ZNG1C: variants seen among roughly 807,000 people sequenced by gnomAD.
ZNG1C encodes the protein zinc-regulated GTPase metalloprotein activator 1C.
chr9:68,244,568 G>A, the ZNG1C span, among the ~76,000 whole-genome samples: 1 of 135,264 alleles, frequency 7.4e-6, no homozygotes, highest in East Asian at 2.1e-4. Context: ...TAAAACACTG[G>A]AAACAAACCA....
chr9:68,275,328 T>C, the ZNG1C span, among the ~76,000 whole-genome samples: 1 of 147,060 alleles, frequency 6.8e-6, no homozygotes, highest in African/African-American at 2.4e-5. Context: ...TTTTTTTAAT[T>C]TATTTATTTA....
At chr9:68,267,070 A>C in the ZNG1C span, among the ~76,000 whole-genome samples, 2 of 151,378 alleles carry the variant, frequency 1.3e-5, no homozygotes, top group African/African-American at 4.8e-5. Context: ...CTGAACTAAT[A>C]AAAGCCCTAT....
chr9:68,296,496 T>C, the ZNG1C span, among the ~76,000 whole-genome samples: 5 of 152,266 alleles, frequency 3.3e-5, no homozygotes, highest in Non-Finnish European at 7.3e-5. Flanking sequence ...TAAATTGGTC[T>C]TTAATACTTT....
At chr9:68,274,596 AG>A in the ZNG1C span, 1 of 83,008 alleles carries the variant, frequency 1.2e-5, no homozygotes, top group Non-Finnish European at 2.4e-5. Flanking sequence ...TGCTTGGAAA[AG>A]TTTCTGTTCT....
chr9:68,284,895 A>ATT, the ZNG1C span, among the ~76,000 whole-genome samples: 1,790 of 126,072 alleles, frequency 0.014, no homozygotes, highest in African/African-American at 0.033. Context: ...TCGTTGTTAG[A>ATT]TTTTTTTTTT....
the ZNG1C span, chr9:68,247,556 T>C: frequency 7.7e-6 from 7 of 908,456 alleles, no homozygotes; most frequent in Non-Finnish European, 1.2e-5. Context: ...TCCTCATCTT[T>C]GTTTTTTGTT....
the ZNG1C span, chr9:68,285,997 A>AG: frequency 1.8e-6 from 1 of 543,638 alleles, no homozygotes; most frequent in Non-Finnish European, 3.2e-6. Context: ...AGTTTGCAGA[A>AG]AAAACTTCAG....
chr9:68,279,634 C>T, the ZNG1C span, among the ~76,000 whole-genome samples: 5 of 126,970 alleles, frequency 3.9e-5, no homozygotes, highest in African/African-American at 1.5e-4. Flanking sequence ...TGAATATTGG[C>T]CCCCACTCTC....
At chr9:68,266,317 A>G in the ZNG1C span, 1 of 562,312 alleles carries the variant, frequency 1.8e-6, no homozygotes, top group East Asian at 2.8e-5. Context: ...GTACAAAATG[A>G]TAAGTGTGTT....
At chr9:68,280,083 CT>C in the ZNG1C span, among the ~76,000 whole-genome samples, 2 of 132,670 alleles carry the variant, frequency 1.5e-5, no homozygotes, top group Admixed American at 1.6e-4. Context: ...GATACCCTTT[CT>C]TCCAGTTGAT....
the ZNG1C span, chr9:68,270,933 T>C: frequency 6.7e-6 from 1 of 148,712 alleles, no homozygotes; most frequent in East Asian, 2.0e-4. Context: ...GTTAACAAAA[T>C]AGTCAAAGTC....
At chr9:68,274,381 GA>G in the ZNG1C span, 1 of 165,570 alleles carries the variant, frequency 6.0e-6, no homozygotes, top group East Asian at 1.8e-4. Context: ...CATTCTGAAT[GA>G]ATGAAATCAA....
the ZNG1C span, among the ~76,000 whole-genome samples, chr9:68,264,810 G>T: frequency 2.7e-5 from 1 of 36,926 alleles, no homozygotes; most frequent in Non-Finnish European, 5.5e-5. Flanking sequence ...CAATTTCTTT[G>T]GGATTGAAGA....
chr9:68,244,524 C>T, the ZNG1C span, among the ~76,000 whole-genome samples: 2,064 of 121,982 alleles, frequency 0.017, 77 homozygotes, highest in African/African-American at 0.068. Context: ...CATGTATAGC[C>T]TACATGTAAA....
the ZNG1C span, chr9:68,269,081 C>G: frequency 1.5e-6 from 2 of 1,332,090 alleles, no homozygotes; most frequent in African/African-American, 1.5e-5. Context: ...TAAGAAAGAT[C>G]TAAGTGCATT....
chr9:68,287,464 ATGCATCACC>A, the ZNG1C span, among the ~76,000 whole-genome samples: 1 of 152,360 alleles, frequency 6.6e-6, no homozygotes, highest in Non-Finnish European at 1.5e-5. Context: ...AACCCCTTGT[ATGCATCACC>A]CAGTTTAAAT....
At chr9:68,247,251 T>C in the ZNG1C span, among the ~76,000 whole-genome samples, 1 of 151,656 alleles carries the variant, frequency 6.6e-6, no homozygotes, top group Non-Finnish European at 1.5e-5. Flanking sequence ...TCTTAAGAGG[T>C]TGAAGGGCAT....
At chr9:68,268,304 T>C in the ZNG1C span, among the ~76,000 whole-genome samples, 17 of 152,022 alleles carry the variant, frequency 1.1e-4, no homozygotes, top group East Asian at 5.8e-4. Flanking sequence ...GTACAGTGTG[T>C]TGAAAAGAAT....
the ZNG1C span, among the ~76,000 whole-genome samples, chr9:68,264,821 T>TTATATATATATATA: frequency 2.8e-4 from 7 of 24,932 alleles, no homozygotes; most frequent in Admixed American, 1.0e-3. Flanking sequence ...GGATTGAAGA[T>TTATATATATATATA]TATATATATA....
Sources: gnomAD v4.1 joint callset for allele counts (sites outside exome capture counted in the v4.1 genomes callset) on GRCh38, gnomAD v4.1.1 for gene constraint, MANE v1.5 for transcripts, NCBI Gene and HGNC (gene_info 2026-07-23, HGNC 2026-07-21) for gene names.